ATP11A: variants seen among roughly 807,000 people sequenced by gnomAD.
The protein encoded by ATP11A is ATPase phospholipid transporting 11A.
ATP11A carries 81 observed loss-of-function variants against 154.4 expected under a neutral mutation model. That is an observed-to-expected ratio of 0.52 (90% CI 0.44 to 0.63). The LOEUF (loss-of-function observed/expected upper bound fraction) is 0.63, where lower values mean the gene tolerates loss of function less well. Among genes scored for constraint, ATP11A ranks in the 30% least tolerant of loss-of-function variants. The pLI is 0.00. For synonymous variants in ATP11A, 623 were observed against 585.9 expected, an observed-to-expected ratio of 1.06 and a Z score of -0.91; for missense variants, 1,316 against 1,474.3, an observed-to-expected ratio of 0.89 and a Z score of 1.76.
intron 2 of ATP11A, among the ~76,000 whole-genome samples, chr13:112,789,255 C>G (rs907628268): frequency 6.7e-6 from 1 of 148,542 alleles, no homozygotes; most frequent in Non-Finnish European, 1.5e-5. Context: ...ACCGGGTGTC[C>G]TGATGCGTAG....
In ATP11A at chr13:112,867,685, G is replaced by A. The variant is rs117138275; in HGVS notation, c.2992-4050G>A. 1.1e-3 allele frequency among the ~76,000 whole-genome samples: 167 copies of A among 152,268 alleles called. 3 individuals carry two copies. In the East Asian group the frequency reaches 0.025, roughly 22 times the overall value. On this transcript the variant is annotated intron_variant, in intron 25 of 29. Transcript: ENST00000375645. ...AGCTCCTGTTTCCTGGTCTCTTCCG[G>A]CTGTACCCTCCAGCCCCTGGCTATG...
chr13:112,879,361 G>A lies in ATP11A; in HGVS notation c.*9+1058G>A, dbSNP rs139445846. Among the ~76,000 whole-genome samples, 91 of 152,280 alleles carry A rather than the reference G, an allele frequency of 6.0e-4. No homozygotes were observed. The East Asian group carries it at 0.017, about 28-fold the overall frequency. ...ACAGTTTTCTAATTTAGTGTCATCAGAATTTGTTAGATTAAATTGCAGAAT... is the reference window on the plus strand; with the variant it reads ...ACAGTTTTCTAATTTAGTGTCATCAAAATTTGTTAGATTAAATTGCAGAAT... On this transcript the variant is annotated intron_variant, in intron 29 of 29. Transcript: ENST00000375645.
chr13:112,819,891 T>C lies in ATP11A; in HGVS notation c.675-9T>C, dbSNP rs1566528499. 6.2e-7 allele frequency: 1 copy of C among 1,614,114 alleles called. No homozygotes were observed. The highest frequency in any genetic ancestry group is 1.1e-5 in the South Asian group (1 of 91,060). ...CGTCCGGTCAGTAACGTGGCTTTTC[T>C]GTCGCCAGGTTCGTGGGTCGCATCA... On this transcript the variant is annotated splice_polypyrimidine_tract_variant and intron_variant, in intron 7 of 29. Transcript: ENST00000375645.
At chr13:112,872,883 C>T (rs1409253736) in intron 26 of ATP11A, among the ~76,000 whole-genome samples, 8 of 134,174 alleles carry the variant, frequency 6.0e-5, no homozygotes, top group East Asian at 2.1e-4. Context: ...GGCTTTGTCT[C>T]CCGAACGGTG....
intron 16 of ATP11A, among the ~76,000 whole-genome samples, chr13:112,839,708 A>G (rs1257398043): frequency 6.6e-6 from 1 of 152,080 alleles, no homozygotes; most frequent in Non-Finnish European, 1.5e-5. Context: ...TTTTTATTCC[A>G]AGGCTGTTCC....
rs1491164677 is a variant in ATP11A, at chr13:112,702,361, AAG to A, written c.39+11908_39+11909del. Among the ~76,000 whole-genome samples the A allele has an allele frequency of 3.3e-5, 5 of 151,172 alleles. 1 individual carries two copies. The highest frequency in any genetic ancestry group is 2.6e-4 in the Admixed American group (4 of 15,200). On this transcript the variant is annotated intron_variant, in intron 1 of 29. Coordinates refer to ENST00000375645, the MANE Select transcript of ATP11A (RefSeq NM_015205.3). ...ATTCTGTCTCAAAAAAAAAAAAAAA[AAG>A]AAACCACTGTAAGTACAGACACCGT...
chr13:112,853,258 A>G (rs1281885112), intron 18 of ATP11A, among the ~76,000 whole-genome samples: 2 of 151,754 alleles, frequency 1.3e-5, no homozygotes, highest in South Asian at 2.1e-4. Context: ...ATATATATAT[A>G]TATGCACACA....
chr13:112,866,671 G>A (rs1451621055), intron 25 of ATP11A, among the ~76,000 whole-genome samples: 2 of 46,596 alleles, frequency 4.3e-5, no homozygotes, highest in African/African-American at 6.5e-5. Flanking sequence ...AATCGGCTTC[G>A]TTCCTTGTTT....
chr13:112,787,026 C>T (rs1017934391), intron 2 of ATP11A, among the ~76,000 whole-genome samples: 31 of 140,462 alleles, frequency 2.2e-4, no homozygotes, highest in South Asian at 2.1e-3. Context: ...TGTCCTGATG[C>T]GTAGACCCCT....
intron 27 of ATP11A, among the ~76,000 whole-genome samples, chr13:112,874,195 C>T (rs890679589): frequency 6.6e-6 from 1 of 152,152 alleles, no homozygotes; most frequent in African/African-American, 2.4e-5. Flanking sequence ...ATCGGGGAGC[C>T]TCTGGTTTGG....
At chr13:112,787,879 T>G (rs551721390) in intron 2 of ATP11A, among the ~76,000 whole-genome samples, 1 of 150,238 alleles carries the variant, frequency 6.7e-6, no homozygotes, top group Admixed American at 6.6e-5. Flanking sequence ...GGAGACCTAC[T>G]TAATTCACAC....
chr13:112,841,641 G>A (rs1467258593), intron 16 of ATP11A, among the ~76,000 whole-genome samples: 14 of 152,392 alleles, frequency 9.2e-5, no homozygotes, highest in Admixed American at 4.6e-4. Flanking sequence ...TGCTTCAGGT[G>A]CAGAGGGGGC....
intron 1 of ATP11A, among the ~76,000 whole-genome samples, chr13:112,773,774 G>A (rs1566460926): frequency 1.3e-5 from 2 of 152,264 alleles, no homozygotes; most frequent in Non-Finnish European, 1.5e-5. Flanking sequence ...ACCTGCCAAC[G>A]CCCCGCGTGT....
intron 16 of ATP11A, among the ~76,000 whole-genome samples, chr13:112,837,123 G>A (rs1460094598): frequency 1.3e-5 from 2 of 152,220 alleles, no homozygotes; most frequent in Non-Finnish European, 2.9e-5. Flanking sequence ...GACAGGCAGG[G>A]CCCGTGGGCT....
At chr13:112,782,807 G>A (rs1340597463) in intron 1 of ATP11A, among the ~76,000 whole-genome samples, 7 of 152,204 alleles carry the variant, frequency 4.6e-5, no homozygotes, top group Admixed American at 6.5e-5. Context: ...GCAGGCTCGC[G>A]GGGAGGCCAC....
chr13:112,751,698 GGCCCTTT>G (rs1348798229), intron 1 of ATP11A, among the ~76,000 whole-genome samples: 1 of 151,588 alleles, frequency 6.6e-6, no homozygotes, highest in African/African-American at 2.4e-5. Context: ...AACAGACATT[GGCCCTTT>G]GACTGATATG....
chr13:112,751,233 A>G (rs1189229777), intron 1 of ATP11A, among the ~76,000 whole-genome samples: 1 of 152,160 alleles, frequency 6.6e-6, no homozygotes, highest in African/African-American at 2.4e-5. Flanking sequence ...GTGTCTTGGT[A>G]TTGTTTGTTT....
intron 1 of ATP11A, among the ~76,000 whole-genome samples, chr13:112,725,025 T>C (rs1042190368): frequency 1.3e-5 from 2 of 152,178 alleles, no homozygotes; most frequent in African/African-American, 4.8e-5. Flanking sequence ...TTGGGGTGGA[T>C]TGTCTGTGGG....
Position 112,696,543 on chromosome 13 carries a change from C to T in ATP11A, c.39+6088C>T, listed in dbSNP as rs534046493. The stretch of plus-strand genomic sequence containing the variant: ...CTGTCTGCCCTGCTGCTTGCCGTCC[C>T]GCTGTTGGCACCGCTTTAGACCCCA... On this transcript the variant is annotated intron_variant, in intron 1 of 29. Coordinates refer to ENST00000375645, the MANE Select transcript of ATP11A (RefSeq NM_015205.3). The surrounding 1 kb of genome is among the most constrained non-coding windows in gnomAD (Gnocchi z 6.2). Among the ~76,000 whole-genome samples, 2 of 152,248 alleles carry T rather than the reference C, an allele frequency of 1.3e-5. No individual in the cohort carries two copies. Among genetic ancestry groups the T allele is most frequent in the East Asian group, 3.9e-4 (2 of 5,166 alleles).
Sources: gnomAD v4.1 joint callset for allele counts (sites outside exome capture counted in the v4.1 genomes callset) on GRCh38, gnomAD v4.1.1 for gene constraint, Gnocchi (gnomAD v3.1) non-coding constraint, MANE v1.5 for transcripts, NCBI Gene and HGNC (gene_info 2026-07-23, HGNC 2026-07-21) for gene names.